The following NBEA variants were observed in gnomAD, a reference collection of about 807,000 sequenced individuals.
NBEA encodes lysosomal-trafficking regulator 2.
A neutral mutation model predicts 343.4 loss-of-function variants in NBEA; 44 were observed. The observed-to-expected ratio is 0.13, with a 90% CI of 0.10 to 0.16. NBEA has a LOEUF of 0.16. Ranked by LOEUF, NBEA falls within the 10% of genes least tolerant of loss-of-function variation. The pLI is 1.00. For missense variants in NBEA, 2,555 were observed against 3,631.3 expected (o/e 0.70, Z 7.62); for synonymous variants, 1,175 against 1,238.7 (o/e 0.95, Z 1.08).
At chr13:35,177,324 TGCTTGCATACTAAGAATAGGACTA>T (rs1312315287) in intron 28 of NBEA, among the ~76,000 whole-genome samples, 1 of 151,904 alleles carries the variant, frequency 6.6e-6, no homozygotes, top group Non-Finnish European at 1.5e-5. Context: ...TGATGTAAGT[TGCTTGCATACTAAGAATAGGACTA>T]GCTCTGAAAA....
chr13:35,507,944 T>G (rs756758649), intron 41 of NBEA, among the ~76,000 whole-genome samples: 2 of 152,194 alleles, frequency 1.3e-5, no homozygotes, highest in African/African-American at 4.8e-5. Context: ...AGTATTTCTT[T>G]TATATTAATT....
At chr13:35,146,328 G>A (rs2068420418) in intron 18 of NBEA, among the ~76,000 whole-genome samples, 1 of 152,138 alleles carries the variant, frequency 6.6e-6, no homozygotes. Context: ...GCAGTTATTG[G>A]AAGATAAGGT....
chr13:35,345,937 C>G (rs1355947680), intron 36 of NBEA, among the ~76,000 whole-genome samples: 1 of 151,996 alleles, frequency 6.6e-6, no homozygotes, highest in Non-Finnish European at 1.5e-5. Flanking sequence ...TCAATGTTTT[C>G]CATGTGGATA....
chr13:35,378,602 G>T (rs182500132), intron 38 of NBEA, among the ~76,000 whole-genome samples: 15 of 152,042 alleles, frequency 9.9e-5, no homozygotes, highest in Admixed American at 4.6e-4. Flanking sequence ...ATGGACTATA[G>T]ATCACCACAG....
At chr13:35,293,274 A>G (rs2035913500) in intron 35 of NBEA, among the ~76,000 whole-genome samples, 1 of 152,022 alleles carries the variant, frequency 6.6e-6, no homozygotes. Flanking sequence ...CTTTGTGGAA[A>G]ACATATTTAA....
At chr13:35,292,951 T>A (rs187639973) in intron 35 of NBEA, among the ~76,000 whole-genome samples, 1 of 151,942 alleles carries the variant, frequency 6.6e-6, no homozygotes, top group Admixed American at 6.6e-5. Context: ...CAATATTGTG[T>A]TTTTTATAGG....
intron 1 of NBEA, among the ~76,000 whole-genome samples, chr13:35,032,959 C>G (rs1053234255): frequency 1.3e-5 from 2 of 151,744 alleles, no homozygotes; most frequent in African/African-American, 4.8e-5. Context: ...TGGATTGTCT[C>G]TTCACTTTGT....
At chr13:35,079,970 C>CATACTA (rs1166560147) in intron 10 of NBEA, among the ~76,000 whole-genome samples, 1 of 151,978 alleles carries the variant, frequency 6.6e-6, no homozygotes, top group Non-Finnish European at 1.5e-5. Flanking sequence ...TATAGGTACC[C>CATACTA]ATACTAAAGA....
intron 51 of NBEA, 73 bp downstream of exon 51, chr13:35,646,421 A>AT: frequency 9.2e-7 from 1 of 1,085,922 alleles, no homozygotes; most frequent in Non-Finnish European, 1.4e-6. Flanking sequence ...TAAAATTGTG[A>AT]TTTTAACAGC....
At chr13:35,025,072 A>G (rs1351210981) in intron 1 of NBEA, among the ~76,000 whole-genome samples, 1 of 152,116 alleles carries the variant, frequency 6.6e-6, no homozygotes, top group Non-Finnish European at 1.5e-5. Flanking sequence ...TCTAGATATT[A>G]GACTTTTTGT....
intron 46 of NBEA, among the ~76,000 whole-genome samples, chr13:35,585,795 CT>C (rs759288985): frequency 6.0e-4 from 91 of 152,242 alleles, no homozygotes; most frequent in Middle Eastern, 6.8e-3. Context: ...AATTGGGAAG[CT>C]TTTTCCTAGA....
intron 38 of NBEA, among the ~76,000 whole-genome samples, chr13:35,427,988 C>T (rs1358762463): frequency 6.6e-6 from 1 of 152,160 alleles, no homozygotes; most frequent in Non-Finnish European, 1.5e-5. Flanking sequence ...TGGGAAAGCG[C>T]AGTATTAGGG....
rs576902001 is a variant in NBEA at position 35,234,097 on chromosome 13, A to G, written c.5776+1478A>G. ...TACCAACAGCAAAAATGCCAGTCTC[A>G]TGTGAACCAGAAGGACAGTAGTCGA... On this transcript the variant is annotated intron_variant, in intron 34 of 58. Transcript: ENST00000379939. Among the ~76,000 whole-genome samples the G allele has an allele frequency of 2.0e-4, 30 of 152,286 alleles. 1 individual carries two copies. The highest frequency in any genetic ancestry group is 1.2e-3 in the Admixed American group (19 of 15,290).
At chr13:35,113,637 C>CT (rs1408540836) in intron 13 of NBEA, among the ~76,000 whole-genome samples, 4 of 152,108 alleles carry the variant, frequency 2.6e-5, no homozygotes, top group Non-Finnish European at 5.9e-5. Flanking sequence ...ATCTGTCTGT[C>CT]TATCATCTTT....
chr13:35,455,911 A>G (rs148306013), intron 40 of NBEA, among the ~76,000 whole-genome samples: 4,545 of 152,176 alleles, frequency 0.03, 107 homozygotes, highest in Non-Finnish European at 0.045. Context: ...AAATGTGTGT[A>G]TGTGAGTGTG....
At chr13:35,271,721 A>G (rs935921534) in intron 34 of NBEA, among the ~76,000 whole-genome samples, 2 of 152,204 alleles carry the variant, frequency 1.3e-5, no homozygotes, top group Admixed American at 6.5e-5. Flanking sequence ...ACAAGTATCA[A>G]TAGCTGAATA....
At chr13:35,345,787 A>C (rs2039836582) in intron 36 of NBEA, among the ~76,000 whole-genome samples, 1 of 152,078 alleles carries the variant, frequency 6.6e-6, no homozygotes, top group Non-Finnish European at 1.5e-5. Flanking sequence ...CAAGGATAGG[A>C]GATCATGATC....
chr13:34,959,731 A>G (rs1776441631), intron 1 of NBEA, among the ~76,000 whole-genome samples: 1 of 152,100 alleles, frequency 6.6e-6, no homozygotes, highest in African/African-American at 2.4e-5. Context: ...GACCACATAT[A>G]CAATGGTGGT....
chr13:35,306,957 A>T (rs1450550843), intron 35 of NBEA, among the ~76,000 whole-genome samples: 2 of 152,084 alleles, frequency 1.3e-5, no homozygotes, highest in Non-Finnish European at 2.9e-5. Flanking sequence ...TTCTATGTAA[A>T]TAATTCTGAA....
Sources: allele counts gnomAD v4.1 joint callset (sites outside exome capture counted in the v4.1 genomes callset), GRCh38; gene constraint gnomAD v4.1.1; transcripts MANE v1.5; gene names NCBI Gene and HGNC (gene_info 2026-07-23, HGNC 2026-07-21).